BICC1: variants seen among roughly 807,000 people sequenced by gnomAD.
The protein encoded by BICC1 is BicC family RNA binding protein 1.
In BICC1, 43 loss-of-function variants were observed where a neutral mutation model predicts 111.0. The observed-to-expected ratio is 0.39, with a 90% CI of 0.30 to 0.50. The LOEUF (loss-of-function observed/expected upper bound fraction) is 0.50. Ranked by LOEUF, BICC1 falls within the 20% of genes least tolerant of loss-of-function variation. The pLI is 0.88. For missense variants in BICC1, 1,091 were observed against 1,203.2 expected, an observed-to-expected ratio of 0.91 and a Z score of 1.38; for synonymous variants, 467 against 434.4, an observed-to-expected ratio of 1.07 and a Z score of -0.93.
chr10:58,797,732 A>G (rs899159499), intron 10 of BICC1, among the ~76,000 whole-genome samples: 1 of 152,216 alleles, frequency 6.6e-6, no homozygotes, highest in African/African-American at 2.4e-5. Context: ...ATACAAATCC[A>G]CATTTCATTC....
chr10:58,623,983 G>A (rs140396477), intron 2 of BICC1, among the ~76,000 whole-genome samples: 158 of 152,302 alleles, frequency 1.0e-3, no homozygotes, highest in African/African-American at 3.6e-3. Flanking sequence ...TGATCAAAGT[G>A]TAATTTCTTT....
At chr10:58,585,557 C>T (rs972936691) in intron 1 of BICC1, among the ~76,000 whole-genome samples, 3 of 152,036 alleles carry the variant, frequency 2.0e-5, no homozygotes, top group African/African-American at 7.3e-5. Flanking sequence ...TCCGTGATTG[C>T]AGTCTTCGGC....
chr10:58,737,480 T>C (rs1406072579), intron 3 of BICC1, among the ~76,000 whole-genome samples: 2 of 152,250 alleles, frequency 1.3e-5, no homozygotes, highest in Non-Finnish European at 2.9e-5. Context: ...TGCAACATTT[T>C]CTTAATTCAG....
chr10:58,725,375 C>G (rs1186632294), intron 3 of BICC1, among the ~76,000 whole-genome samples: 2 of 152,134 alleles, frequency 1.3e-5, no homozygotes, highest in Non-Finnish European at 2.9e-5. Context: ...TGTAATTCAG[C>G]AAACATTTTA....
At chr10:58,581,491 A>C (rs1217796899) in intron 1 of BICC1, among the ~76,000 whole-genome samples, 1 of 152,234 alleles carries the variant, frequency 6.6e-6, no homozygotes, top group Non-Finnish European at 1.5e-5. Context: ...ATCAAGGCAC[A>C]ACAAACTTAA....
chr10:58,672,771 C>T (rs1383785412), intron 2 of BICC1, among the ~76,000 whole-genome samples: 4 of 152,276 alleles, frequency 2.6e-5, no homozygotes, highest in South Asian at 4.1e-4. Context: ...TAACTGGTTA[C>T]ATTTCCTAAT....
intron 1 of BICC1, among the ~76,000 whole-genome samples, chr10:58,562,358 T>G (rs1002551682): frequency 6.6e-6 from 1 of 152,124 alleles, no homozygotes; most frequent in Non-Finnish European, 1.5e-5. Flanking sequence ...CTTTAGAAAT[T>G]CTTCCTAGAA....
At chr10:58,603,693 G>A (rs551612125) in intron 1 of BICC1, among the ~76,000 whole-genome samples, 2 of 152,292 alleles carry the variant, frequency 1.3e-5, no homozygotes, top group African/African-American at 4.8e-5. Context: ...GGTCAATTTT[G>A]TGGGGAGGGT....
intron 1 of BICC1, among the ~76,000 whole-genome samples, chr10:58,548,373 C>T (rs1274897181): frequency 6.6e-6 from 1 of 152,196 alleles, no homozygotes; most frequent in African/African-American, 2.4e-5. Context: ...ACCTACTCCA[C>T]TTATTTGTAA....
intron 2 of BICC1, among the ~76,000 whole-genome samples, chr10:58,693,528 T>C (rs924160234): frequency 7.2e-5 from 11 of 152,322 alleles, no homozygotes; most frequent in Non-Finnish European, 8.8e-5. Flanking sequence ...ACCTGTTGTT[T>C]CCTGACTTCT....
At chr10:58,669,321 A>G (rs969194894) in intron 2 of BICC1, among the ~76,000 whole-genome samples, 6 of 152,068 alleles carry the variant, frequency 3.9e-5, no homozygotes, top group African/African-American at 1.4e-4. Context: ...CGTATACAGG[A>G]ATGCTTGCCA....
chr10:58,640,954 C>G (rs955476152), intron 2 of BICC1, among the ~76,000 whole-genome samples: 1 of 152,080 alleles, frequency 6.6e-6, no homozygotes, highest in Admixed American at 6.5e-5. Context: ...TTTCAACTTT[C>G]AAAAGCAGTT....
chr10:58,817,091 G>A (rs547969102), intron 18 of BICC1, among the ~76,000 whole-genome samples: 45 of 152,170 alleles, frequency 3.0e-4, no homozygotes, highest in African/African-American at 8.9e-4. Context: ...TTTATGTGTT[G>A]CAATACCATA....
intron 1 of BICC1, among the ~76,000 whole-genome samples, chr10:58,528,828 C>T (rs1299942210): frequency 1.3e-5 from 2 of 151,922 alleles, no homozygotes; most frequent in Non-Finnish European, 1.5e-5. Flanking sequence ...GTACTTTGAA[C>T]GTGGTGTTAG....
intron 2 of BICC1, among the ~76,000 whole-genome samples, chr10:58,652,520 T>G (rs11006218): frequency 2.2e-3 from 341 of 152,254 alleles, no homozygotes; most frequent in African/African-American, 8.0e-3. Context: ...CTGCTCATAG[T>G]TCTCTTCTTG....
At chr10:58,573,557 G>A (rs1844024185) in intron 1 of BICC1, among the ~76,000 whole-genome samples, 2 of 152,098 alleles carry the variant, frequency 1.3e-5, no homozygotes, top group Admixed American at 6.6e-5. Context: ...AGATGGCAAG[G>A]TAAGGGCTGT....
At chr10:58,615,498 T>C (rs1048459705) in intron 1 of BICC1, among the ~76,000 whole-genome samples, 1 of 152,168 alleles carries the variant, frequency 6.6e-6, no homozygotes, top group Admixed American at 6.5e-5. Flanking sequence ...GCCACTATTG[T>C]CTGTAAAAGG....
intron 1 of BICC1, among the ~76,000 whole-genome samples, chr10:58,587,101 A>G (rs1471567354): frequency 2.6e-5 from 4 of 152,150 alleles, no homozygotes; most frequent in Non-Finnish European, 5.9e-5. Context: ...GTGCAGCATG[A>G]ATATTTAGTG....
intron 3 of BICC1, among the ~76,000 whole-genome samples, chr10:58,740,923 C>T (rs187450850): frequency 1.3e-5 from 2 of 152,318 alleles, no homozygotes; most frequent in Admixed American, 6.5e-5. Context: ...TGAAAGCCCA[C>T]ATATTTCATT....
Sources: allele counts gnomAD v4.1 joint callset (sites outside exome capture counted in the v4.1 genomes callset), GRCh38; gene constraint gnomAD v4.1.1; transcripts MANE v1.5; gene names NCBI Gene and HGNC (gene_info 2026-07-23, HGNC 2026-07-21).